Variants in SNX29 observed in about 807,000 individuals in gnomAD.
SNX29 encodes the protein sorting nexin-29.
A neutral mutation model predicts 102.1 loss-of-function variants in SNX29; 78 were observed. The observed-to-expected ratio is 0.76, with a 90% CI of 0.64 to 0.92. The LOEUF is 0.92. Ranked by LOEUF, SNX29 falls within the 40% of genes least tolerant of loss-of-function variation. The probability of loss-of-function intolerance (pLI) is 0.00; values close to 1 mark genes in which losing one functional copy is unlikely to be tolerated. For synonymous variants in SNX29, 580 were observed against 414.5 expected (o/e 1.40, Z -4.85); for missense variants, 1,280 against 1,061.7 (o/e 1.21, Z -2.86).
At chr16:12,436,076 C>T (rs941961917) in intron 18 of SNX29, among the ~76,000 whole-genome samples, 11 of 152,134 alleles carry the variant, frequency 7.2e-5, no homozygotes, top group Non-Finnish European at 1.0e-4. Context: ...TCAATTGGGG[C>T]GCCGCACACA....
Position 12,306,798 on chromosome 16 carries a change from C to T in SNX29, c.1782+28762C>T, listed in dbSNP as rs568779379. Among the ~76,000 whole-genome samples the T allele has an allele frequency of 9.2e-5, 14 of 152,308 alleles. No individual in the cohort carries two copies. In the East Asian group the frequency reaches 1.2e-3, roughly 13 times the overall value. On this transcript the variant is annotated intron_variant, in intron 15 of 20. Transcript: ENST00000566228. ...GATAGCAAAGGACAACCTTGTCAGCCGAGCTGTCCTGTGTAACTCCCTGGT... is the reference window on the plus strand; with the variant it reads ...GATAGCAAAGGACAACCTTGTCAGCTGAGCTGTCCTGTGTAACTCCCTGGT...
chr16:12,499,312 C>T (rs915193759), intron 19 of SNX29, among the ~76,000 whole-genome samples: 2 of 152,222 alleles, frequency 1.3e-5, no homozygotes, highest in African/African-American at 4.8e-5. Flanking sequence ...AATAATTGAA[C>T]ATCACTGTTT....
chr16:11,977,241 C>A (rs1013359159), intron 1 of SNX29, among the ~76,000 whole-genome samples: 1 of 152,090 alleles, frequency 6.6e-6, no homozygotes, highest in African/African-American at 2.4e-5. Context: ...GTCTCCAGTC[C>A]CTGCAGTTTC....
intron 20 of SNX29, among the ~76,000 whole-genome samples, chr16:12,563,652 G>A (rs911456581): frequency 6.6e-6 from 1 of 152,118 alleles, no homozygotes. Flanking sequence ...TAGGAACTGA[G>A]TCTTTTCAAT....
intron 14 of SNX29, among the ~76,000 whole-genome samples, chr16:12,235,456 G>C (rs2077897868): frequency 6.6e-6 from 1 of 152,138 alleles, no homozygotes; most frequent in African/African-American, 2.4e-5. Context: ...TGTCAGATGG[G>C]AGCAGTACAG....
At chr16:12,318,589 C>G (rs944231001) in intron 15 of SNX29, among the ~76,000 whole-genome samples, 2 of 152,170 alleles carry the variant, frequency 1.3e-5, no homozygotes, top group African/African-American at 4.8e-5. Context: ...TTTAGGGCTC[C>G]TGGCTGGACG....
At chr16:12,555,654 C>A (rs148000295) in intron 20 of SNX29, among the ~76,000 whole-genome samples, 4 of 152,082 alleles carry the variant, frequency 2.6e-5, no homozygotes, top group African/African-American at 9.7e-5. Flanking sequence ...ATGCCAGACC[C>A]TGTCACTCCT....
chr16:12,544,908 G>A (rs962421088), intron 20 of SNX29, among the ~76,000 whole-genome samples: 3 of 152,312 alleles, frequency 2.0e-5, no homozygotes, highest in Admixed American at 6.5e-5. Flanking sequence ...GTAATCAATA[G>A]TCATTAGATG....
chr16:12,459,275 C>T (rs547480343), intron 18 of SNX29, among the ~76,000 whole-genome samples: 4 of 151,824 alleles, frequency 2.6e-5, no homozygotes, highest in South Asian at 4.2e-4. Flanking sequence ...CTTAGATCCT[C>T]ACAGGCCAAG....
intron 15 of SNX29, among the ~76,000 whole-genome samples, chr16:12,351,234 A>C (rs1251088894): frequency 1.3e-5 from 2 of 152,238 alleles, no homozygotes; most frequent in African/African-American, 4.8e-5. Flanking sequence ...GTGTGAACGC[A>C]AAGTGGGGAC....
chr16:12,312,694 GAA>G (rs1326802707), intron 15 of SNX29, among the ~76,000 whole-genome samples: 3 of 151,736 alleles, frequency 2.0e-5, no homozygotes, highest in Non-Finnish European at 4.4e-5. Context: ...GACAGAGGGG[GAA>G]GAGCTTCCAA....
In SNX29 at chr16:12,002,993, C is replaced by G; in HGVS notation, c.72C>G (p.Cys24Trp). The G allele has an allele frequency of 6.2e-7, 1 of 1,614,164 alleles. No homozygotes were observed. Among genetic ancestry groups the G allele is most frequent in the Non-Finnish European group, 8.5e-7 (1 of 1,180,040 alleles). Reference sequence around the variant, plus strand: ...CAGCAGCTTCTTTTTCTGTGCAGTGCCAGATCCGCTTTGGAGGGAGAAAGG... The same window carrying G: ...CAGCAGCTTCTTTTTCTGTGCAGTGGCAGATCCGCTTTGGAGGGAGAAAGG... ...LERLLDAVKQCQIRFGGRKEI... is the reference protein window; with the variant it reads ...LERLLDAVKQWQIRFGGRKEI... The change falls in exon 3 of 21, where the codon TGC (cysteine) becomes TGG (tryptophan). Residue 24 changes from cysteine (C) to tryptophan (W), a missense_variant and splice_region_variant. Coordinates refer to ENST00000566228, the MANE Select transcript of SNX29 (RefSeq NM_032167.5).
At chr16:12,237,287 T>C (rs1196655684) in intron 14 of SNX29, among the ~76,000 whole-genome samples, 1 of 152,208 alleles carries the variant, frequency 6.6e-6, no homozygotes, top group Non-Finnish European at 1.5e-5. Context: ...AATCACAAAG[T>C]GTGTCCACTG....
chr16:12,083,751 A>C (rs992413047), intron 11 of SNX29, among the ~76,000 whole-genome samples: 7 of 152,030 alleles, frequency 4.6e-5, no homozygotes, highest in Non-Finnish European at 7.4e-5. Flanking sequence ...CAGTCACTGG[A>C]CTCTTGGAAA....
At chr16:12,061,744 CG>C in intron 9 of SNX29, 98 bp downstream of exon 9, 1 of 981,428 alleles carries the variant, frequency 1.0e-6, no homozygotes, top group Non-Finnish European at 1.5e-6. Flanking sequence ...GAATGGGAGC[CG>C]GGAGGCACGG....
chr16:12,389,032 A>G (rs6498283), intron 16 of SNX29, among the ~76,000 whole-genome samples: 141,230 of 152,242 alleles, frequency 0.93, 65,665 homozygotes, highest in East Asian at 1. Context: ...GCTATTAAAT[A>G]CTGCTCAGTG....
At chr16:12,189,433 C>A (rs1291153723) in intron 13 of SNX29, among the ~76,000 whole-genome samples, 1 of 152,048 alleles carries the variant, frequency 6.6e-6, no homozygotes, top group Non-Finnish European at 1.5e-5. Context: ...AATGTCCGTG[C>A]CTTTGGTTTG....
chr16:12,557,039 G>A (rs1013451941), intron 20 of SNX29, among the ~76,000 whole-genome samples: 4 of 112,734 alleles, frequency 3.5e-5, no homozygotes, highest in Non-Finnish European at 7.2e-5. Context: ...CCAAGATGAG[G>A]TCTTGCTATG....
chr16:12,420,827 G>T (rs927894987), intron 18 of SNX29, among the ~76,000 whole-genome samples: 5 of 152,134 alleles, frequency 3.3e-5, no homozygotes, highest in Non-Finnish European at 7.4e-5. Flanking sequence ...TGATAGTCTC[G>T]CCCACAAGGC....
Sources: gnomAD v4.1 joint callset for allele counts (sites outside exome capture counted in the v4.1 genomes callset) on GRCh38, gnomAD v4.1.1 for gene constraint, MANE v1.5 for transcripts, NCBI Gene and HGNC (gene_info 2026-07-23, HGNC 2026-07-21) for gene names.